The following LRRTM4 variants were observed in gnomAD, a reference collection of about 807,000 sequenced individuals.
LRRTM4 encodes the protein leucine-rich repeat transmembrane neuronal protein 4.
In LRRTM4, 25 loss-of-function variants were observed where a neutral mutation model predicts 47.6. That is an observed-to-expected ratio of 0.53 (90% CI 0.38 to 0.73). The LOEUF is 0.73. LRRTM4 is among the 30% of genes least tolerant of loss of function. LRRTM4 has a pLI of 0.00. For missense variants in LRRTM4, 638 were observed against 713.4 expected (o/e 0.89, Z 1.20); for synonymous variants, 311 against 269.5 (o/e 1.15, Z -1.51).
At chr2:77,039,142 G>C (rs1029440401) in intron 3 of LRRTM4, among the ~76,000 whole-genome samples, 2 of 151,092 alleles carry the variant, frequency 1.3e-5, no homozygotes, top group African/African-American at 4.8e-5. Flanking sequence ...GAAAAAATAA[G>C]ATATTACATA....
At chr2:77,168,735 T>C (rs986282575) in intron 3 of LRRTM4, among the ~76,000 whole-genome samples, 1 of 152,250 alleles carries the variant, frequency 6.6e-6, no homozygotes, top group Non-Finnish European at 1.5e-5. Flanking sequence ...AGCATCATTC[T>C]ACTCTCTAAC....
intron 3 of LRRTM4, among the ~76,000 whole-genome samples, chr2:76,764,806 G>A (rs1189493847): frequency 6.6e-6 from 1 of 152,166 alleles, no homozygotes; most frequent in Non-Finnish European, 1.5e-5. Context: ...TTCTAGAAAA[G>A]GGAAGAAAAA....
intron 3 of LRRTM4, among the ~76,000 whole-genome samples, chr2:76,886,832 A>T (rs902022014): frequency 6.6e-6 from 1 of 152,034 alleles, no homozygotes; most frequent in Non-Finnish European, 1.5e-5. Context: ...TAAAAGAATG[A>T]AATAAATGAA....
intron 3 of LRRTM4, among the ~76,000 whole-genome samples, chr2:77,068,003 G>A (rs1369321771): frequency 6.6e-6 from 1 of 152,018 alleles, no homozygotes; most frequent in African/African-American, 2.4e-5. Context: ...AATTTATACG[G>A]AGGATAAAGG....
chr2:77,198,719 C>G (rs1012574516), intron 3 of LRRTM4, among the ~76,000 whole-genome samples: 1 of 152,130 alleles, frequency 6.6e-6, no homozygotes, highest in African/African-American at 2.4e-5. Flanking sequence ...ATTTTCCAAG[C>G]TGCTAGCTGG....
intron 3 of LRRTM4, among the ~76,000 whole-genome samples, chr2:77,385,741 C>CTTTTT (rs33978835): frequency 7.4e-4 from 61 of 82,284 alleles, no homozygotes; most frequent in African/African-American, 9.2e-4. Flanking sequence ...GTACATGGTA[C>CTTTTT]TTTTTTTTTT....
At chr2:76,753,752 AG>A (rs1672930299) in intron 3 of LRRTM4, among the ~76,000 whole-genome samples, 1 of 152,128 alleles carries the variant, frequency 6.6e-6, no homozygotes, top group African/African-American at 2.4e-5. Flanking sequence ...TTATATTTAA[AG>A]TGAGAAATGA....
At chr2:77,211,598 G>A (rs1674295583) in intron 3 of LRRTM4, among the ~76,000 whole-genome samples, 1 of 152,102 alleles carries the variant, frequency 6.6e-6, no homozygotes, top group Non-Finnish European at 1.5e-5. Context: ...GCTAGTTTCA[G>A]TTATTATTAT....
At chr2:76,982,432 A>T (rs577056323) in intron 3 of LRRTM4, among the ~76,000 whole-genome samples, 1 of 152,218 alleles carries the variant, frequency 6.6e-6, no homozygotes, top group South Asian at 2.1e-4. Flanking sequence ...TGGAAAGGAA[A>T]AAAAGTATTT....
At chr2:77,379,281 C>T (rs375967311) in intron 3 of LRRTM4, among the ~76,000 whole-genome samples, 7 of 152,090 alleles carry the variant, frequency 4.6e-5, no homozygotes, top group South Asian at 2.1e-4. Flanking sequence ...TCTTTATTAA[C>T]GATTTTTTCC....
In LRRTM4 at chr2:77,127,468, A is replaced by G. The variant is rs1238503589; in HGVS notation, c.1552-378552T>C. ...CAATGATCCTTGGCTTTTGATATTC[A>G]CACTATCTGTAGGTTCCTTCCACAC... is the stretch of plus-strand genomic sequence containing the variant. On this transcript the variant is annotated intron_variant, in intron 3 of 3. Coordinates refer to ENST00000409884, the MANE Select transcript of LRRTM4 (RefSeq NM_001134745.3). Among the ~76,000 whole-genome samples the G allele has an allele frequency of 2.0e-5, 3 of 152,156 alleles. No homozygotes were observed. In the East Asian group the frequency reaches 5.8e-4, roughly 29 times the overall value.
chr2:76,940,995 T>TA (rs545086181), intron 3 of LRRTM4, among the ~76,000 whole-genome samples: 55 of 152,208 alleles, frequency 3.6e-4, no homozygotes, highest in Admixed American at 1.6e-3. Context: ...ATTTTCATAG[T>TA]AAAAGCAGCT....
intron 3 of LRRTM4, among the ~76,000 whole-genome samples, chr2:76,997,820 G>T (rs1677255582): frequency 6.6e-6 from 1 of 151,996 alleles, no homozygotes; most frequent in Non-Finnish European, 1.5e-5. Flanking sequence ...CCTATAGCTT[G>T]CATTGCTGCC....
intron 3 of LRRTM4, among the ~76,000 whole-genome samples, chr2:76,945,447 A>G (rs1675290699): frequency 6.6e-6 from 1 of 152,036 alleles, no homozygotes; most frequent in Admixed American, 6.6e-5. Flanking sequence ...GTGAAAATGA[A>G]GAGTGAACTA....
intron 3 of LRRTM4, among the ~76,000 whole-genome samples, chr2:77,191,991 C>A (rs1259151723): frequency 2.0e-5 from 3 of 151,934 alleles, no homozygotes; most frequent in African/African-American, 7.2e-5. Context: ...AGACATCCAA[C>A]TAGTAAATAA....
chr2:77,401,759 A>G (rs1241279266), intron 3 of LRRTM4, among the ~76,000 whole-genome samples: 8 of 151,962 alleles, frequency 5.3e-5, no homozygotes, highest in Non-Finnish European at 2.9e-5. Context: ...AATAAATTAT[A>G]TATTTTTGTA....
At chr2:76,912,207 C>A (rs1674091596) in intron 3 of LRRTM4, among the ~76,000 whole-genome samples, 1 of 152,086 alleles carries the variant, frequency 6.6e-6, no homozygotes, top group Non-Finnish European at 1.5e-5. Flanking sequence ...GCGTGAGCCA[C>A]CGCCCCTGGC....
At chr2:77,021,306 A>T (rs768347577) in intron 3 of LRRTM4, among the ~76,000 whole-genome samples, 1 of 152,094 alleles carries the variant, frequency 6.6e-6, no homozygotes, top group East Asian at 1.9e-4. Context: ...AGAGAGTATG[A>T]CCATATTTTA....
At chr2:76,899,545 G>A (rs1352980585) in intron 3 of LRRTM4, among the ~76,000 whole-genome samples, 2 of 152,042 alleles carry the variant, frequency 1.3e-5, no homozygotes, top group Non-Finnish European at 2.9e-5. Context: ...TATCCTACAT[G>A]AAGGCAATAG....
Sources: gnomAD v4.1 joint callset for allele counts (sites outside exome capture counted in the v4.1 genomes callset) on GRCh38, gnomAD v4.1.1 for gene constraint, MANE v1.5 for transcripts, NCBI Gene and HGNC (gene_info 2026-07-23, HGNC 2026-07-21) for gene names.